ACSM2A: variants seen among roughly 807,000 people sequenced by gnomAD.
ACSM2A encodes acyl-coenzyme A synthetase ACSM2A, mitochondrial.
A neutral mutation model predicts 76.6 loss-of-function variants in ACSM2A; 72 were observed. That is an observed-to-expected ratio of 0.94 (90% CI 0.78 to 1.14). ACSM2A has a LOEUF of 1.14. Among genes scored for constraint, ACSM2A ranks in the 50% most tolerant of loss-of-function variants. The probability of loss-of-function intolerance (pLI) is 0.00; values close to 1 mark genes in which losing one functional copy is unlikely to be tolerated. For missense variants in ACSM2A, 684 were observed against 708.5 expected, an observed-to-expected ratio of 0.97 and a Z score of 0.39; for synonymous variants, 249 against 255.9, an observed-to-expected ratio of 0.97 and a Z score of 0.26.
At position 20,486,781 on chromosome 16, in the gene ACSM2A, C is replaced by T. The variant is rs1043154190; in HGVS notation, c.*103C>T. ...TTATATGAGATTCTTTATGGAAGAA[C>T]ATGAATATAAGTTTTGTCTTGCCTT... On this transcript the variant is annotated 3_prime_UTR_variant, in exon 14 of 14. Coordinates refer to ENST00000573854, the MANE Select transcript of ACSM2A (RefSeq NM_001308172.2). 19 of 1,378,734 alleles carry T rather than the reference C, an allele frequency of 1.4e-5. No individual in the cohort carries two copies. The highest frequency in any genetic ancestry group is 1.2e-4 in the Admixed American group (6 of 51,616). The allele number at this position is 1,378,734 out of a possible 1,614,324, so 85.4% of individuals were successfully genotyped here.
At chr16:20,461,399 C>T (rs2012615783) in intron 2 of ACSM2A, among the ~76,000 whole-genome samples, 1 of 151,936 alleles carries the variant, frequency 6.6e-6, no homozygotes. Context: ...TGAGGAAGGC[C>T]CTTTAAATAT....
chr16:20,486,551 T>C, intron 13 of ACSM2A, 23 bp from the exon 14 acceptor site: 1 of 1,613,180 alleles, frequency 6.2e-7, no homozygotes, highest in Non-Finnish European at 8.5e-7. Flanking sequence ...TCACCCACCC[T>C]GGACTGATTT....
intron 6 of ACSM2A, among the ~76,000 whole-genome samples, chr16:20,472,119 A>G (rs1218584880): frequency 6.6e-6 from 1 of 152,182 alleles, no homozygotes; most frequent in African/African-American, 2.4e-5. Context: ...CACAAACTGA[A>G]GGTAAAGTAC....
chr16:20,473,393 G>A (rs2013534179), intron 6 of ACSM2A, among the ~76,000 whole-genome samples: 1 of 152,122 alleles, frequency 6.6e-6, no homozygotes, highest in Admixed American at 6.5e-5. Flanking sequence ...TTAGGTTGGA[G>A]GTGTAGGGTG....
At chr16:20,451,860 G>T (rs985566499) in intron 1 of ACSM2A, among the ~76,000 whole-genome samples, 179 bp downstream of exon 1, 3 of 139,790 alleles carry the variant, frequency 2.1e-5, no homozygotes, top group African/African-American at 7.9e-5. Context: ...AGAGGAAAAG[G>T]CACCTTTATG....
intron 2 of ACSM2A, among the ~76,000 whole-genome samples, chr16:20,463,285 AT>A (rs2012752277): frequency 6.6e-6 from 1 of 151,974 alleles, no homozygotes; most frequent in African/African-American, 2.4e-5. Context: ...AGAATATTGT[AT>A]TTTTCAATGT....
chr16:20,485,754 G>A (rs2014349415), intron 13 of ACSM2A, among the ~76,000 whole-genome samples: 2 of 152,162 alleles, frequency 1.3e-5, no homozygotes, highest in Admixed American at 6.5e-5. Context: ...CCACTAAGAA[G>A]ATACTTTTTC....
At chr16:20,486,175 T>C (rs1171097704) in intron 13 of ACSM2A, among the ~76,000 whole-genome samples, 1 of 152,252 alleles carries the variant, frequency 6.6e-6, no homozygotes. Context: ...GTCCATGTAA[T>C]CACCCAATGA....
chr16:20,478,091 G>A (rs2013854535), intron 9 of ACSM2A, among the ~76,000 whole-genome samples: 1 of 152,174 alleles, frequency 6.6e-6, no homozygotes, highest in African/African-American at 2.4e-5. Context: ...CATTCACTAT[G>A]ATAACCATTT....
chr16:20,453,294 A>G (rs1162919251), intron 1 of ACSM2A: 1 of 151,816 alleles, frequency 6.6e-6, no homozygotes, highest in Non-Finnish European at 1.5e-5. Flanking sequence ...GCAGAAGAAC[A>G]TAAATTGTGA....
At chr16:20,482,750 G>A (rs1829804616) in intron 12 of ACSM2A, 1 of 221,528 alleles carries the variant, frequency 4.5e-6, no homozygotes, top group South Asian at 1.0e-4. Flanking sequence ...TTAGGGTTAT[G>A]GTTTTCAGTC....
At chr16:20,483,293 GGC>G (rs2014198571) in intron 13 of ACSM2A, 116 bp downstream of exon 13, 2 of 1,485,672 alleles carry the variant, frequency 1.3e-6, no homozygotes, top group South Asian at 2.5e-5. Context: ...TTCCTGGCTG[GGC>G]GCGGCAGCTC....
chr16:20,474,590 C>T (rs2013614692), intron 6 of ACSM2A, among the ~76,000 whole-genome samples: 1 of 152,194 alleles, frequency 6.6e-6, no homozygotes, highest in African/African-American at 2.4e-5. Context: ...CAAAAGAAAA[C>T]AGATTAAGAC....
intron 10 of ACSM2A, among the ~76,000 whole-genome samples, chr16:20,479,566 G>A (rs949140242): frequency 6.6e-6 from 1 of 152,134 alleles, no homozygotes; most frequent in Non-Finnish European, 1.5e-5. Flanking sequence ...TTAAATAAAA[G>A]AATTGTTGTA....
At chr16:20,469,880 T>A (rs1025440614) in intron 4 of ACSM2A, among the ~76,000 whole-genome samples, 161 bp downstream of exon 4, 7 of 149,000 alleles carry the variant, frequency 4.7e-5, no homozygotes, top group African/African-American at 1.8e-4. Flanking sequence ...GTATTTTTTT[T>A]TTTTTTTTTT....
chr16:20,468,490 G>T lies in ACSM2A; in HGVS notation c.389-1022G>T, dbSNP rs555268828. Among the ~76,000 whole-genome samples, 8 of 152,300 alleles carry T rather than the reference G, an allele frequency of 5.3e-5. No individual in the cohort carries two copies. In the South Asian group the frequency reaches 1.5e-3, roughly 28 times the overall value. The stretch of plus-strand genomic sequence containing the variant: ...TCCTCCTGCCTCAGCCTCCTGAGTA[G>T]CTGGGATTACAGGCGTGTGCCATCA... On this transcript the variant is annotated intron_variant, in intron 3 of 13. Coordinates refer to ENST00000573854, the MANE Select transcript of ACSM2A (RefSeq NM_001308172.2).
At chr16:20,468,935 C>G (rs1185568624) in intron 3 of ACSM2A, among the ~76,000 whole-genome samples, 4 of 152,154 alleles carry the variant, frequency 2.6e-5, no homozygotes, top group Non-Finnish European at 5.9e-5. Flanking sequence ...TGTGAATTAG[C>G]TTAATTTAAT....
rs59053287 is a variant in ACSM2A at position 20,486,414 on chromosome 16, C to G, written c.1630-160C>G. 8.4e-3 allele frequency among the ~76,000 whole-genome samples: 1,284 copies of G among 152,344 alleles called. 15 individuals carry two copies. The highest frequency in any genetic ancestry group is 0.028 in the African/African-American group (1,167 of 41,572). The stretch of plus-strand genomic sequence containing the variant: ...CCAATTCTAGCCATCCTCTTATTGT[C>G]CTCATCCCAGAGCACTTTCTGAAGC... On this transcript the variant is annotated intron_variant, in intron 13 of 13. Transcript: ENST00000573854.
chr16:20,467,533 G>T (rs984635256), intron 3 of ACSM2A, among the ~76,000 whole-genome samples: 9 of 152,122 alleles, frequency 5.9e-5, no homozygotes, highest in African/African-American at 2.2e-4. Context: ...TAGTAGAGAT[G>T]GAGATAAGTG....
Sources: gnomAD v4.1 joint callset for allele counts (sites outside exome capture counted in the v4.1 genomes callset) on GRCh38, gnomAD v4.1.1 for gene constraint, MANE v1.5 for transcripts, NCBI Gene and HGNC (gene_info 2026-07-23, HGNC 2026-07-21) for gene names.